Variants in RNASE11 observed in about 807,000 individuals in gnomAD.
RNASE11 encodes the protein putative inactive ribonuclease 11.
For synonymous variants in RNASE11, 105 were observed against 86.1 expected (o/e 1.22, Z -1.21); for missense variants, 252 against 237.8 (o/e 1.06, Z -0.39).
chr14:20,587,431 G>T, intron 1 of RNASE11, 132 bp downstream of exon 2: 1 of 282,220 alleles, frequency 3.5e-6, no homozygotes, highest in Non-Finnish European at 5.3e-6. Context: ...CCTAGGGAGA[G>T]GGATAGAAAA....
chr14:20,587,973 G>A, upstream of RNASE11: 2 of 318,690 alleles, frequency 6.3e-6, no homozygotes, highest in Non-Finnish European at 9.1e-6. Flanking sequence ...ACCCACCCAT[G>A]CCTGCTCTAG....
chr14:20,584,630 A>T, intron 1 of RNASE11, 134 bp from the exon 3 acceptor site: 1 of 616,696 alleles, frequency 1.6e-6, no homozygotes, highest in South Asian at 2.9e-5. Flanking sequence ...TGGAACTATG[A>T]TATAATAGAA....
upstream of RNASE11, among the ~76,000 whole-genome samples, chr14:20,589,505 G>T (rs1400563595): frequency 6.7e-6 from 1 of 150,370 alleles, no homozygotes; most frequent in Non-Finnish European, 1.5e-5. Context: ...CACCCGCCTC[G>T]GCCTCCCAAA....
exon 2 of RNASE11, chr14:20,584,254 G>A (rs1394201412): frequency 6.2e-7 from 1 of 1,614,198 alleles, no homozygotes; most frequent in South Asian, 1.1e-5. Flanking sequence ...TGTCAGTAAT[G>A]TGGAAGACAT....
At chr14:20,583,760 A>T in exon 2 of RNASE11, 1 of 1,165,026 alleles carries the variant, frequency 8.6e-7, no homozygotes, top group Non-Finnish European at 1.2e-6. Flanking sequence ...GTTAGAATAA[A>T]TAATCAGGAG....
At chr14:20,589,548 C>T (rs546967802), upstream of RNASE11, among the ~76,000 whole-genome samples, 56 of 151,826 alleles carry the variant, frequency 3.7e-4, no homozygotes, top group Admixed American at 1.3e-3. Context: ...CCACCGCGCC[C>T]GGCGAGCATC....
intron 1 of RNASE11, among the ~76,000 whole-genome samples, chr14:20,587,009 C>T (rs1594473177): frequency 6.6e-6 from 1 of 152,092 alleles, no homozygotes; most frequent in Non-Finnish European, 1.5e-5. Context: ...AACAAAAAGC[C>T]AGTTGTGGTG....
upstream of RNASE11, chr14:20,588,329 T>A (rs1884478340): frequency 6.6e-6 from 1 of 152,230 alleles, no homozygotes; most frequent in South Asian, 2.1e-4. Flanking sequence ...GTAAGGATAC[T>A]ATGCCCATAG....
At chr14:20,583,227 C>T (rs1381699144), downstream of RNASE11, 1 of 152,236 alleles carries the variant, frequency 6.6e-6, no homozygotes, top group East Asian at 1.9e-4. Context: ...CAAGACTTGG[C>T]TTGAATAAAG....
intron 1 of RNASE11, among the ~76,000 whole-genome samples, chr14:20,586,011 C>T (rs141991057): frequency 1.6e-3 from 247 of 152,264 alleles, no homozygotes; most frequent in African/African-American, 5.4e-3. Context: ...CCTTCCTGAC[C>T]CTCCAATTTC....
chr14:20,584,418 T>G, exon 2 of RNASE11: 8 of 1,613,306 alleles, frequency 5.0e-6, no homozygotes, highest in Non-Finnish European at 5.9e-6. Context: ...TTGTGCTTTC[T>G]GATGCTTCTG....
upstream of RNASE11, chr14:20,587,956 G>A: frequency 1.8e-6 from 1 of 551,398 alleles, no homozygotes. Context: ...GCTCTCCAAA[G>A]CCTGTGACCC....
downstream of RNASE11, chr14:20,583,074 G>C (rs189400371): frequency 1.3e-5 from 2 of 152,344 alleles, no homozygotes; most frequent in Admixed American, 1.3e-4. Flanking sequence ...AGCTGGTAGT[G>C]AACAAAATTA....
chr14:20,587,910 T>C, upstream of RNASE11: 1 of 921,818 alleles, frequency 1.1e-6, no homozygotes. Context: ...AATGAACAGC[T>C]GAAGTCTCTC....
At chr14:20,584,065 C>T in exon 2 of RNASE11, 2 of 1,614,186 alleles carry the variant, frequency 1.2e-6, no homozygotes, top group South Asian at 2.2e-5. Context: ...TACAAACTTG[C>T]AGCTGGGGGC....
exon 2 of RNASE11, chr14:20,584,047 G>A: frequency 6.2e-7 from 1 of 1,614,188 alleles, no homozygotes; most frequent in Non-Finnish European, 8.5e-7. Flanking sequence ...GCTTATGCCA[G>A]GATTCTGTAC....
intron 1 of RNASE11, among the ~76,000 whole-genome samples, chr14:20,586,246 C>A (rs144314951): frequency 6.6e-6 from 1 of 152,266 alleles, no homozygotes; most frequent in Non-Finnish European, 1.5e-5. Flanking sequence ...CCTATGCCAT[C>A]TCTCCCACTT....
At chr14:20,589,373 C>A (rs976652444), upstream of RNASE11, among the ~76,000 whole-genome samples, 13 of 151,808 alleles carry the variant, frequency 8.6e-5, no homozygotes, top group South Asian at 2.7e-3. Context: ...CTTGCCTCAG[C>A]CTCCGGAGTA....
chr14:20,584,485 G>A, exon 2 of RNASE11: 1 of 1,564,214 alleles, frequency 6.4e-7, no homozygotes, highest in Non-Finnish European at 8.6e-7. Flanking sequence ...CTCAGATGTA[G>A]TGTAATCTCT....
Sources: gnomAD v4.1 joint callset for allele counts (sites outside exome capture counted in the v4.1 genomes callset) on GRCh38, gnomAD v4.1.1 for gene constraint, MANE v1.5 for transcripts, NCBI Gene and HGNC (gene_info 2026-07-23, HGNC 2026-07-21) for gene names.